The following ELAVL1 variants were observed in gnomAD, a reference collection of about 807,000 sequenced individuals.
ELAVL1 encodes ELAV like RNA binding protein 1.
A neutral mutation model predicts 28.4 loss-of-function variants in ELAVL1; 1 was observed. That is an observed-to-expected ratio of 0.04 (90% CI 0.01 to 0.17). The LOEUF is 0.17. Ranked by LOEUF, ELAVL1 falls within the 10% of genes least tolerant of loss-of-function variation. The pLI is 1.00. For synonymous variants in ELAVL1, 174 were observed against 183.5 expected, an observed-to-expected ratio of 0.95 and a Z score of 0.42; for missense variants, 157 against 447.2, an observed-to-expected ratio of 0.35 and a Z score of 5.85.
intron 5 of ELAVL1, among the ~76,000 whole-genome samples, chr19:7,966,767 G>C (rs1984965681): frequency 6.6e-6 from 1 of 151,920 alleles, no homozygotes; most frequent in South Asian, 2.1e-4. Context: ...CTAAAGGCCA[G>C]CATCACCATG....
chr19:7,961,312 CA>C lies in ELAVL1; in HGVS notation c.*2170del, dbSNP rs879450047. 0.019 allele frequency: 2,877 copies of C among 148,210 alleles called. 16 individuals are homozygous for C. The highest frequency in any genetic ancestry group is 0.023 in the Non-Finnish European group (1,551 of 66,484). 9.2% of individuals were successfully genotyped at this position (148,210 alleles called of 1,614,324 possible). On this transcript the variant is annotated 3_prime_UTR_variant, in exon 6 of 6. Coordinates refer to ENST00000407627, the MANE Select transcript of ELAVL1 (RefSeq NM_001419.3). ...CAGAAGCGGGAATCCCGCCTTCCAT[CA>C]GAAGGGTGTTGGCTCCCACCTTCCA... is the stretch of plus-strand genomic sequence containing the variant.
intron 2 of ELAVL1, among the ~76,000 whole-genome samples, chr19:7,987,300 G>A (rs1050791761): frequency 6.6e-5 from 10 of 152,256 alleles, no homozygotes; most frequent in Admixed American, 2.0e-4. Context: ...TGGTGGCTCC[G>A]GCATGACAGG....
Position 7,959,214 on chromosome 19 carries a change from G to A in ELAVL1, c.*4269C>T, listed in dbSNP as rs1008792124. The A allele has an allele frequency of 2.6e-5, 4 of 152,374 alleles. No individual in the cohort carries two copies. Among genetic ancestry groups the A allele is most frequent in the Non-Finnish European group, 5.9e-5 (4 of 67,996 alleles). 9.4% of individuals were successfully genotyped at this position (152,374 alleles called of 1,614,324 possible). On this transcript the variant is annotated 3_prime_UTR_variant, in exon 6 of 6. Transcript: ENST00000407627. ...TTATTGTTGACTTTTGGACACCAGT[G>A]TCAGACTTTATTGAAAACAAACCCA...
chr19:8,002,163 CG>C, intron 1 of ELAVL1: 1 of 1,273,342 alleles, frequency 7.9e-7, no homozygotes, highest in Non-Finnish European at 1.0e-6. Flanking sequence ...TTTGAACACA[CG>C]ATGTTCTCTG....
At chr19:7,966,571 C>G (rs775801190) in intron 5 of ELAVL1, among the ~76,000 whole-genome samples, 1 of 152,188 alleles carries the variant, frequency 6.6e-6, no homozygotes, top group East Asian at 1.9e-4. Context: ...TACTCTCACC[C>G]GAGTATACCT....
rs1568304779 is a variant in ELAVL1 at position 7,960,031 on chromosome 19, G to A, written c.*3452C>T. On this transcript the variant is annotated 3_prime_UTR_variant, in exon 6 of 6. Transcript: ENST00000407627. ...CGGATGTGAAATGTAACAGCTGAGT[G>A]ATGTCAATTTCGATTTTTCAAGTCC... The A allele has an allele frequency of 1.3e-5, 2 of 152,238 alleles. No individual in the cohort carries two copies. Among genetic ancestry groups the A allele is most frequent in the Non-Finnish European group, 2.9e-5 (2 of 68,048 alleles). The allele number at this position is 152,238 out of a possible 1,614,324, so 9.4% of individuals were successfully genotyped here.
chr19:7,988,491 G>A (rs983866211), intron 2 of ELAVL1, among the ~76,000 whole-genome samples: 10 of 152,204 alleles, frequency 6.6e-5, no homozygotes, highest in Non-Finnish European at 1.3e-4. Context: ...GGCCTCAGGG[G>A]CAGTTAGACA....
chr19:8,001,585 C>T (rs1040321517), intron 1 of ELAVL1, among the ~76,000 whole-genome samples: 3 of 152,106 alleles, frequency 2.0e-5, no homozygotes, highest in African/African-American at 7.2e-5. Flanking sequence ...GGATTGTTCC[C>T]TCTCCTGTGA....
At chr19:7,974,597 G>GA (rs1338951757) in intron 3 of ELAVL1, among the ~76,000 whole-genome samples, 1 of 152,088 alleles carries the variant, frequency 6.6e-6, no homozygotes, top group Admixed American at 6.6e-5. Context: ...CCAGAAGGAA[G>GA]AAAAGGACCA....
chr19:7,971,939 GC>G (rs959825193), intron 4 of ELAVL1, among the ~76,000 whole-genome samples: 1 of 152,236 alleles, frequency 6.6e-6, no homozygotes, highest in Non-Finnish European at 1.5e-5. Context: ...GGCCAGGAAG[GC>G]CCCACCTGTG....
rs1599662380 is a variant in ELAVL1, at chr19:7,963,293, TA to T, written c.*189del. 40 of 654,524 alleles carry T rather than the reference TA, an allele frequency of 6.1e-5. No individual in the cohort carries two copies. The East Asian group carries it at 1.1e-3, about 18-fold the overall frequency. The allele number at this position is 654,524 out of a possible 1,614,324, so 40.5% of individuals were successfully genotyped here. A position where few individuals can be genotyped will look rare whatever the true frequency, so the allele number is the denominator to read the frequency against. Reference sequence around the variant, plus strand: ...TAACTTACGAAACTTAAGATTGGTCTAACATTGTGGGATTTCAAACATTTGA... The same window carrying T: ...TAACTTACGAAACTTAAGATTGGTCTACATTGTGGGATTTCAAACATTTGA... On this transcript the variant is annotated 3_prime_UTR_variant, in exon 6 of 6. Transcript: ENST00000407627. This position sits in a 1 kb window ranked among gnomAD's most constrained non-coding sequence, Gnocchi z 4.5.
At chr19:7,992,574 G>A (rs934078037) in intron 1 of ELAVL1, among the ~76,000 whole-genome samples, 9 of 152,230 alleles carry the variant, frequency 5.9e-5, no homozygotes, top group Non-Finnish European at 1.0e-4. Context: ...GGTTGCCAGC[G>A]ATGCAGGTCG....
At chr19:7,993,029 A>G in intron 1 of ELAVL1, among the ~76,000 whole-genome samples, 1 of 152,202 alleles carries the variant, frequency 6.6e-6, no homozygotes, top group Non-Finnish European at 1.5e-5. Flanking sequence ...TCACCCTCCC[A>G]AAGTGCTAGG....
intron 2 of ELAVL1, among the ~76,000 whole-genome samples, chr19:7,986,721 TG>T (rs1208314313): frequency 6.6e-6 from 1 of 152,038 alleles, no homozygotes; most frequent in Non-Finnish European, 1.5e-5. Flanking sequence ...TATCAACAAA[TG>T]GGAAGCAGAA....
intron 4 of ELAVL1, 62 bp from the exon 5 acceptor site, chr19:7,967,852 A>C: frequency 6.4e-7 from 1 of 1,565,342 alleles, no homozygotes; most frequent in South Asian, 1.2e-5. Context: ...TCAAAACTGA[A>C]AAGCAAAAGT....
Position 7,963,421 on chromosome 19 carries a change from A to T in ELAVL1, c.*62T>A. 1.0e-5 allele frequency: 16 copies of T among 1,533,758 alleles called. No homozygotes were observed. The highest frequency in any genetic ancestry group is 1.4e-5 in the Non-Finnish European group (16 of 1,138,280). On this transcript the variant is annotated 3_prime_UTR_variant, in exon 6 of 6. Transcript: ENST00000407627. This position sits in a 1 kb window ranked among gnomAD's most constrained non-coding sequence, Gnocchi z 4.5. ...GCGCAAAATGAGTTGTACACTAACA[A>T]GAAAAGTTTCAACTCCTTCACTCTT...
chr19:7,996,649 A>G (rs1248277177), intron 1 of ELAVL1, among the ~76,000 whole-genome samples: 1 of 151,882 alleles, frequency 6.6e-6, no homozygotes, highest in Non-Finnish European at 1.5e-5. Context: ...CTACAAAAAT[A>G]CAACAAAAAA....
At chr19:8,003,623 C>T (rs1387283720) in intron 1 of ELAVL1, among the ~76,000 whole-genome samples, 3 of 145,226 alleles carry the variant, frequency 2.1e-5, no homozygotes, top group Non-Finnish European at 4.5e-5. Context: ...ACCCGGGAGG[C>T]GGAGCTTGCA....
intron 1 of ELAVL1, among the ~76,000 whole-genome samples, chr19:8,004,098 A>T (rs2145234022): frequency 6.6e-6 from 1 of 152,362 alleles, no homozygotes. Context: ...AATGGAAATT[A>T]TAACATCACC....
Sources: gnomAD v4.1 joint callset for allele counts (sites outside exome capture counted in the v4.1 genomes callset) on GRCh38, gnomAD v4.1.1 for gene constraint, Gnocchi (gnomAD v3.1) non-coding constraint, MANE v1.5 for transcripts, NCBI Gene and HGNC (gene_info 2026-07-23, HGNC 2026-07-21) for gene names.